The following NXPH1 variants were observed in gnomAD, a reference collection of about 807,000 sequenced individuals.
NXPH1 encodes the protein neurexophilin-1.
NXPH1 carries 5 observed loss-of-function variants against 23.7 expected under a neutral mutation model. That is an observed-to-expected ratio of 0.21 (90% CI 0.11 to 0.44). The LOEUF is 0.44. NXPH1 is among the 20% of genes least tolerant of loss of function. NXPH1 has a pLI of 0.99. For missense variants in NXPH1, 324 were observed against 321.6 expected, an observed-to-expected ratio of 1.01 and a Z score of -0.06; for synonymous variants, 144 against 122.2, an observed-to-expected ratio of 1.18 and a Z score of -1.18.
At chr7:8,598,202 A>T (rs950738012) in intron 2 of NXPH1, among the ~76,000 whole-genome samples, 1 of 152,072 alleles carries the variant, frequency 6.6e-6, no homozygotes. Context: ...AAATTGTTCA[A>T]TTATTTTCTC....
intron 2 of NXPH1, among the ~76,000 whole-genome samples, chr7:8,616,929 C>G (rs141133080): frequency 6.6e-6 from 1 of 151,332 alleles, no homozygotes; most frequent in East Asian, 1.9e-4. Context: ...GTGAGTAGAT[C>G]AATTAGGAGT....
At chr7:8,489,263 C>A (rs1044727057) in intron 2 of NXPH1, among the ~76,000 whole-genome samples, 1 of 152,030 alleles carries the variant, frequency 6.6e-6, no homozygotes, top group Non-Finnish European at 1.5e-5. Flanking sequence ...AAGGGGGTGG[C>A]CTTCTCATAT....
chr7:8,659,410 A>G lies in NXPH1; in HGVS notation c.55-91598A>G, dbSNP rs540063469. Among the ~76,000 whole-genome samples the G allele has an allele frequency of 4.6e-5, 7 of 152,282 alleles. No individual in the cohort carries two copies. In the East Asian group the frequency reaches 1.3e-3, roughly 29 times the overall value. On this transcript the variant is annotated intron_variant, in intron 2 of 2. Transcript: ENST00000405863. Reference sequence around the variant, plus strand: ...TCAAACATCCTCCTTTAGCTCAGAGAAGTTTGATCATCTGAAGCTGTCTTC... The same window carrying G: ...TCAAACATCCTCCTTTAGCTCAGAGGAGTTTGATCATCTGAAGCTGTCTTC...
intron 2 of NXPH1, among the ~76,000 whole-genome samples, chr7:8,733,097 C>A (rs555712656): frequency 4.6e-5 from 7 of 151,792 alleles, no homozygotes; most frequent in African/African-American, 1.7e-4. Context: ...TCTCATTGTT[C>A]GACTCCCACT....
chr7:8,609,206 A>T (rs1025557491), intron 2 of NXPH1, among the ~76,000 whole-genome samples: 1 of 152,190 alleles, frequency 6.6e-6, no homozygotes, highest in Non-Finnish European at 1.5e-5. Context: ...TAGCTAAGCT[A>T]GGTAAGTTAG....
chr7:8,583,695 G>A (rs563928038), intron 2 of NXPH1, among the ~76,000 whole-genome samples: 17 of 152,132 alleles, frequency 1.1e-4, no homozygotes, highest in Non-Finnish European at 2.1e-4. Flanking sequence ...GGGGCCGAGA[G>A]CAACAAGTGC....
Position 8,467,088 on chromosome 7 carries a change from T to G in NXPH1, c.54+31321T>G, listed in dbSNP as rs574563667. On this transcript the variant is annotated intron_variant, in intron 2 of 2. Coordinates refer to ENST00000405863, the MANE Select transcript of NXPH1 (RefSeq NM_152745.3). ...TAGCACACTGACACTCAGTGTTCAG[T>G]GAATTTAAAAAATTATTTGGTATAT... Among the ~76,000 whole-genome samples the G allele has an allele frequency of 1.5e-3, 228 of 152,308 alleles. 2 individuals carry two copies. The highest frequency in any genetic ancestry group is 2.0e-3 in the Non-Finnish European group (133 of 68,024).
chr7:8,626,455 G>A (rs1819990988), intron 2 of NXPH1, among the ~76,000 whole-genome samples: 1 of 147,760 alleles, frequency 6.8e-6, no homozygotes, highest in South Asian at 2.2e-4. Flanking sequence ...AGGGTAGCTT[G>A]CCACCCACCT....
intron 2 of NXPH1, among the ~76,000 whole-genome samples, chr7:8,710,574 T>C (rs10280299): frequency 0.24 from 35,028 of 148,354 alleles, 5,379 homozygotes; most frequent in African/African-American, 0.43. Context: ...CAAAATCAAC[T>C]GCCAAACTCA....
chr7:8,547,769 G>A (rs879286627), intron 2 of NXPH1, among the ~76,000 whole-genome samples: 4 of 151,442 alleles, frequency 2.6e-5, no homozygotes, highest in Non-Finnish European at 5.9e-5. Flanking sequence ...TTATGTTTCT[G>A]AGTGAGTTCA....
At chr7:8,517,994 A>G (rs1219890214) in intron 2 of NXPH1, among the ~76,000 whole-genome samples, 1 of 152,174 alleles carries the variant, frequency 6.6e-6, no homozygotes, top group African/African-American at 2.4e-5. Flanking sequence ...AAACATGCAG[A>G]TAAAAGGTAG....
rs1375058844 is a variant in NXPH1 at position 8,434,687 on chromosome 7, C to G, written c.-179C>G. On this transcript the variant is annotated 5_prime_UTR_variant, in exon 1 of 3. Transcript: ENST00000405863. This position sits in a 1 kb window ranked among gnomAD's most constrained non-coding sequence, Gnocchi z 7.6. ...TCCGGGGCGCTGGAGACGCCAGGCC[C>G]GAGTAGCTTCTCCATGGAGCCTGCC... 2 of 152,706 alleles carry G rather than the reference C, an allele frequency of 1.3e-5. No homozygotes were observed. Among genetic ancestry groups the G allele is most frequent in the East Asian group, 1.9e-4 (1 of 5,180 alleles). The allele number at this position is 152,706 out of a possible 1,614,324, so 9.5% of individuals were successfully genotyped here. A position where few individuals can be genotyped will look rare whatever the true frequency, so the allele number is the denominator to read the frequency against.
rs775160732 is a variant in NXPH1 at position 8,536,607 on chromosome 7, C to CT, written c.54+100842dup. Among the ~76,000 whole-genome samples, 54 of 112,696 alleles carry CT rather than the reference C, an allele frequency of 4.8e-4. No homozygotes were observed. In the Middle Eastern group the frequency reaches 0.023, roughly 49 times the overall value. The allele number at this position is 112,696 out of a possible 152,430, so 73.9% of individuals were successfully genotyped here. On this transcript the variant is annotated intron_variant, in intron 2 of 2. Coordinates refer to ENST00000405863, the MANE Select transcript of NXPH1 (RefSeq NM_152745.3). ...GGAGGCTATTGTGACCATTGGTAGA[C>CT]TTAAAAAAAGGAAGTGACGTCATTG... is the stretch of plus-strand genomic sequence containing the variant.
At chr7:8,678,694 C>G (rs1021967192) in intron 2 of NXPH1, among the ~76,000 whole-genome samples, 1 of 151,958 alleles carries the variant, frequency 6.6e-6, no homozygotes. Context: ...GGGTCACTTC[C>G]TATTAGTTGC....
intron 2 of NXPH1, among the ~76,000 whole-genome samples, chr7:8,534,775 C>T (rs1275474116): frequency 6.6e-6 from 1 of 152,028 alleles, no homozygotes; most frequent in African/African-American, 2.4e-5. Context: ...ATTATCACCC[C>T]TGATTGATGA....
chr7:8,539,137 C>A (rs1236919867), intron 2 of NXPH1, among the ~76,000 whole-genome samples: 1 of 151,806 alleles, frequency 6.6e-6, no homozygotes. Context: ...ACTTCACTCT[C>A]CTGGGAAGAT....
intron 2 of NXPH1, among the ~76,000 whole-genome samples, chr7:8,587,970 C>T (rs905004884): frequency 3.9e-5 from 6 of 151,946 alleles, no homozygotes; most frequent in Admixed American, 6.6e-5. Context: ...AAGAAGACAT[C>T]GATGTGGCCA....
At chr7:8,720,168 C>T (rs1223902018) in intron 2 of NXPH1, among the ~76,000 whole-genome samples, 2 of 141,902 alleles carry the variant, frequency 1.4e-5, no homozygotes, top group Non-Finnish European at 3.1e-5. Context: ...ATTCTTGGTT[C>T]ATATCTGTTC....
Position 8,435,871 on chromosome 7 carries a change from C to CTGCTAGGA in NXPH1, c.54+104_54+105insTGCTAGGA. The CTGCTAGGA allele has an allele frequency of 3.7e-6, 4 of 1,074,674 alleles. No individual in the cohort carries two copies. Among genetic ancestry groups the CTGCTAGGA allele is most frequent in the Non-Finnish European group, 5.8e-6 (4 of 690,378 alleles). The allele number at this position is 1,074,674 out of a possible 1,614,324, so 66.6% of individuals were successfully genotyped here. On this transcript the variant is annotated intron_variant, in intron 2 of 2. Transcript: ENST00000405863. This position sits in a 1 kb window ranked among gnomAD's most constrained non-coding sequence, Gnocchi z 5.9. ...GGTTACGCCGCCAGTTCAGTGAGAG[C>CTGCTAGGA]AGCTTCCTAGCAGCTGTGTTGGAGC... is the stretch of plus-strand genomic sequence containing the variant.
Sources: allele counts gnomAD v4.1 joint callset (sites outside exome capture counted in the v4.1 genomes callset), GRCh38; gene constraint gnomAD v4.1.1; non-coding constraint Gnocchi (gnomAD v3.1); transcripts MANE v1.5; gene names NCBI Gene and HGNC (gene_info 2026-07-23, HGNC 2026-07-21).